CFAP44: variants seen among roughly 807,000 people sequenced by gnomAD.
CFAP44 encodes the protein cilia and flagella associated protein 44, also known as cilia- and flagella-associated protein 44.
Under a neutral mutation model 216.2 loss-of-function variants are expected in CFAP44, and 134 were observed. The observed-to-expected ratio is 0.62, with a 90% CI of 0.54 to 0.72. The LOEUF is 0.72. Among genes scored for constraint, CFAP44 ranks in the 30% least tolerant of loss-of-function variants. The pLI, the probability that CFAP44 is intolerant of heterozygous loss-of-function variation, is 0.00. For synonymous variants in CFAP44, 700 were observed against 727.6 expected (o/e 0.96, Z 0.61); for missense variants, 2,035 against 2,182.1 (o/e 0.93, Z 1.34).
At position 113,401,714 on chromosome 3, in the gene CFAP44, G is replaced by C. The variant is rs1393378846; in HGVS notation, c.1196C>G (p.Thr399Ser). 2 of 1,611,826 alleles carry C rather than the reference G, an allele frequency of 1.2e-6. No individual in the cohort carries two copies. The highest frequency in any genetic ancestry group is 1.1e-5 in the South Asian group (1 of 90,762). Residue 399 changes from threonine to serine, a missense_variant, in exon 10 of 35, where the codon ACT becomes AGT. Transcript: ENST00000393845. ...VRIWDFETID[T>S]ADVIDETGLL... Reference sequence around the variant, plus strand: ...TCCAGTCTCATCTATTACATCAGCAGTGTCTATTGTCTCAAAATCCCATAT... The same window carrying C: ...TCCAGTCTCATCTATTACATCAGCACTGTCTATTGTCTCAAAATCCCATAT...
chr3:113,351,857 G>T (rs924257018), intron 22 of CFAP44, among the ~76,000 whole-genome samples: 1 of 152,132 alleles, frequency 6.6e-6, no homozygotes, highest in Non-Finnish European at 1.5e-5. Context: ...GCTACAGATG[G>T]TCTTACAAAT....
intron 16 of CFAP44, 25 bp downstream of exon 16, chr3:113,380,874 A>T: frequency 6.6e-7 from 1 of 1,512,422 alleles, no homozygotes. Flanking sequence ...TTATTATAAG[A>T]TAATGCTTCA....
Position 113,401,697 on chromosome 3 carries a change from C to A in CFAP44, c.1213G>T (p.Glu405Ter). ...ETIDTADVID[E>*]TGLLEIEPIN... is the part of the protein sequence containing the mutation. The stretch of plus-strand genomic sequence containing the variant: ...GGCTCAATCTCCAACAATCCAGTCT[C>A]ATCTATTACATCAGCAGTGTCTATT... Residue 405 changes from glutamate to a stop codon, truncating the protein, a stop_gained, in exon 10 of 35, where the codon GAG (glutamate) becomes TAG (stop). Transcript: ENST00000393845. LOFTEE classifies it high-confidence loss of function. 2 of 1,613,496 alleles carry A rather than the reference C, an allele frequency of 1.2e-6. No homozygotes were observed. Among genetic ancestry groups the A allele is most frequent in the Non-Finnish European group, 1.7e-6 (2 of 1,179,682 alleles).
In CFAP44 at chr3:113,425,861, T is replaced by A. The variant is rs545868464; in HGVS notation, c.407+263A>T. The A allele has an allele frequency of 1.6e-3, 545 of 348,734 alleles. 2 individuals carry two copies. The highest frequency in any genetic ancestry group is 1.0e-3 in the Non-Finnish European group (202 of 193,068). The allele number at this position is 348,734 out of a possible 1,614,324, so 21.6% of individuals were successfully genotyped here. A position where few individuals can be genotyped will look rare whatever the true frequency, so the allele number is the denominator to read the frequency against. On this transcript the variant is annotated intron_variant, in intron 4 of 34. Coordinates refer to ENST00000393845, the MANE Select transcript of CFAP44 (RefSeq NM_001164496.2). ...TTACCTAATATGGGTTGGCACACAT[T>A]TTTTTATAAAGGGAAGGTAGTAAAT... is the stretch of plus-strand genomic sequence containing the variant.
chr3:113,331,808 T>C (rs1369832537), intron 25 of CFAP44, among the ~76,000 whole-genome samples: 2 of 152,132 alleles, frequency 1.3e-5, no homozygotes, highest in Non-Finnish European at 2.9e-5. Flanking sequence ...AATAATACAC[T>C]ATTTTAAAAA....
Position 113,330,541 on chromosome 3 carries a change from G to C in CFAP44, c.3743C>G (p.Ser1248Cys), listed in dbSNP as rs1950232569. ...LKNIQSTLHI[S>C]KHIPIPKIPQ... ...AATTTTGGGAATGGGTATGTGCTTG[G>C]ATATGTGAAGAGTCGACTGAATGTT... Residue 1248 changes from serine to cysteine, a missense_variant, in exon 26 of 35, where the codon TCC (serine) becomes TGC (cysteine). Physicochemically the swap from Ser to Cys is moderately radical, Grantham distance 112. Transcript: ENST00000393845. 6.5e-7 allele frequency: 1 copy of C among 1,537,018 alleles called. No homozygotes were observed. The highest frequency in any genetic ancestry group is 1.4e-5 in the African/African-American group (1 of 73,002).
In CFAP44 at chr3:113,426,215, A is replaced by G. The variant is rs749618390; in HGVS notation, c.316T>C (p.Ser106Pro). 1.2e-5 allele frequency: 20 copies of G among 1,614,134 alleles called. No homozygotes were observed. The Middle Eastern group carries it at 3.1e-3, about 253-fold the overall frequency. ...EAEEEVKKKISESFFYDYMEL... is the reference protein window; with the variant it reads ...EAEEEVKKKIPESFFYDYMEL... ...ATATAATCATAGAAGAAGCTCTCTG[A>G]TATTTTCTTCTTAACTTCCTCCTCT... The change falls in exon 4 of 35, where the codon TCA (serine) becomes CCA (proline). Residue 106 changes from serine to proline, a missense_variant. Ser to Pro is a moderately conservative substitution (Grantham distance 74, BLOSUM62 -1). Coordinates refer to ENST00000393845, the MANE Select transcript of CFAP44 (RefSeq NM_001164496.2).
At chr3:113,350,248 AAG>A (rs1426114466) in intron 22 of CFAP44, among the ~76,000 whole-genome samples, 1 of 151,918 alleles carries the variant, frequency 6.6e-6, no homozygotes, top group East Asian at 1.9e-4. Context: ...GTCAAAAAGA[AAG>A]AGAAGGAAAG....
Position 113,420,089 on chromosome 3 carries a change from G to T in CFAP44, c.498C>A (p.Ile166=), listed in dbSNP as rs1202348816. 1.9e-6 allele frequency: 3 copies of T among 1,613,860 alleles called. No individual in the cohort carries two copies. The highest frequency in any genetic ancestry group is 2.5e-6 in the Non-Finnish European group (3 of 1,179,948). The change falls in exon 5 of 35, where the codon ATC becomes ATA. Residue 166 remains isoleucine, a synonymous_variant. Transcript: ENST00000393845. ...GTTCCTTGGTTTTCAAATTCAGAAA[G>T]ATCAGTTGGTTCCCAGCTATGTATA... ...IAIYIAGNQL[I]FLNLKTKEQI...
intron 3 of CFAP44, 78 bp downstream of exon 3, chr3:113,427,109 G>A: frequency 6.9e-7 from 1 of 1,458,068 alleles, no homozygotes; most frequent in Non-Finnish European, 9.4e-7. Flanking sequence ...TCTTTCTATG[G>A]ATTTATAACT....
In CFAP44 at chr3:113,306,226, T is replaced by C. The variant is rs1455529845; in HGVS notation, c.4733A>G (p.Lys1578Arg). The change falls in exon 30 of 35, where the codon AAG becomes AGG. Residue 1578 changes from lysine to arginine, a missense_variant. Physicochemically the swap from Lys to Arg is conservative, Grantham distance 26. This residue lies in a region of CFAP44 where 1,883 missense variants were observed against 2,023.7 expected (regional missense o/e 0.93). Transcript: ENST00000393845. ...EEKKIVDNLKKEYDTLSKKVK... is the reference protein window; with the variant it reads ...EEKKIVDNLKREYDTLSKKVK... The stretch of plus-strand genomic sequence containing the variant: ...TTTTTTTGACAATGTATCATATTCC[T>C]TTTTGAGGTTATCAACAATTTTCTT... The C allele has an allele frequency of 8.5e-6, 13 of 1,536,976 alleles. No individual in the cohort carries two copies. Among genetic ancestry groups the C allele is most frequent in the Non-Finnish European group, 1.1e-5 (13 of 1,146,700 alleles).
intron 23 of CFAP44, among the ~76,000 whole-genome samples, chr3:113,342,985 AAAAT>A (rs1016604832): frequency 3.3e-5 from 5 of 150,458 alleles, no homozygotes; most frequent in Non-Finnish European, 7.4e-5. Flanking sequence ...CTCTGTATCA[AAAAT>A]AAATAAATAA....
Position 113,330,402 on chromosome 3 carries a change from C to T in CFAP44, c.3882G>A (p.Val1294=). 2.6e-6 allele frequency: 4 copies of T among 1,537,356 alleles called. No homozygotes were observed. The highest frequency in any genetic ancestry group is 2.4e-5 in the South Asian group (2 of 84,062). ...MKSKDEKSPG[V]EQTGSGGPVG... ...CTGGGCCTCCAGACCCTGTCTGTTC[C>T]ACTCCGGGGGACTTTTCATCTTTAC... The change falls in exon 26 of 35, where the codon GTG becomes GTA. Residue 1294 remains valine (V), a synonymous_variant. Coordinates refer to ENST00000393845, the MANE Select transcript of CFAP44 (RefSeq NM_001164496.2).
chr3:113,370,696 GC>G (rs1035744375), intron 18 of CFAP44, among the ~76,000 whole-genome samples: 2 of 152,110 alleles, frequency 1.3e-5, no homozygotes, highest in African/African-American at 4.8e-5. Flanking sequence ...CTCTCACCAT[GC>G]CTATTCAACA....
rs11919407 is a variant in CFAP44 at position 113,343,737 on chromosome 3, G to A, written c.3262+779C>T. The stretch of plus-strand genomic sequence containing the variant: ...AGTATGAGAAAGCACTACTGGAAAC[G>A]TAGAACAGGGATAGATTGTGGAAGG... On this transcript the variant is annotated intron_variant, in intron 23 of 34. Transcript: ENST00000393845. Among the ~76,000 whole-genome samples, 293 of 152,314 alleles carry A rather than the reference G, an allele frequency of 1.9e-3. 2 individuals are homozygous for A. Among genetic ancestry groups the A allele is most frequent in the African/African-American group, 5.7e-3 (238 of 41,566 alleles).
At chr3:113,362,301 T>C (rs1323680348) in intron 21 of CFAP44, among the ~76,000 whole-genome samples, 2 of 151,970 alleles carry the variant, frequency 1.3e-5, no homozygotes, top group Non-Finnish European at 2.9e-5. Flanking sequence ...GGTGGCAAGG[T>C]GACAGTACAC....
At chr3:113,362,396 T>C (rs1247040268) in intron 21 of CFAP44, among the ~76,000 whole-genome samples, 1 of 152,088 alleles carries the variant, frequency 6.6e-6, no homozygotes, top group Non-Finnish European at 1.5e-5. Flanking sequence ...TGCAGCAGCT[T>C]GATGTGGAGG....
In CFAP44 at chr3:113,305,306, G is replaced by A. The variant is rs73235037; in HGVS notation, c.4759-154C>T. On this transcript the variant is annotated intron_variant, in intron 30 of 34. Transcript: ENST00000393845. ...TGCATGATCCCAGTTTGCAACTCAG[G>A]AATGCATATTATTTTCTTTCTGCCA... is the stretch of plus-strand genomic sequence containing the variant. Among the ~76,000 whole-genome samples, 762 of 152,316 alleles carry A rather than the reference G, an allele frequency of 5.0e-3. 5 individuals carry two copies. Among genetic ancestry groups the A allele is most frequent in the Non-Finnish European group, 7.7e-3 (524 of 68,034 alleles).
At chr3:113,357,240 C>A (rs539692510) in intron 22 of CFAP44, among the ~76,000 whole-genome samples, 1 of 152,048 alleles carries the variant, frequency 6.6e-6, no homozygotes. Flanking sequence ...TTGTGTCCCC[C>A]CAAAAAGCTA....
Sources: gnomAD v4.1 joint callset for allele counts (sites outside exome capture counted in the v4.1 genomes callset) on GRCh38, gnomAD v4.1.1 for gene constraint, gnomAD v4.1.1 regional missense constraint, MANE v1.5 for transcripts, NCBI Gene and HGNC (gene_info 2026-07-23, HGNC 2026-07-21) for gene names.